CSNK1G3: variants seen among roughly 807,000 people sequenced by gnomAD.
The protein encoded by CSNK1G3 is casein kinase 1 gamma 3.
A neutral mutation model predicts 64.3 loss-of-function variants in CSNK1G3; 23 were observed. That is an observed-to-expected ratio of 0.36 (90% CI 0.26 to 0.51). The LOEUF is 0.51. Among genes scored for constraint, CSNK1G3 ranks in the 20% least tolerant of loss-of-function variants. The pLI is 0.96. For missense variants in CSNK1G3, 357 were observed against 510.5 expected (o/e 0.70, Z 2.90); for synonymous variants, 158 against 162.2 (o/e 0.97, Z 0.20).
chr5:123,554,443 C>A (rs1784248368), intron 3 of CSNK1G3, among the ~76,000 whole-genome samples: 1 of 152,020 alleles, frequency 6.6e-6, no homozygotes, highest in Admixed American at 6.6e-5. Context: ...CTAGAAAGCC[C>A]AAGTTTCTTT....
intron 6 of CSNK1G3, among the ~76,000 whole-genome samples, chr5:123,577,678 AAT>A (rs781431815): frequency 1.5e-3 from 229 of 152,002 alleles, no homozygotes; most frequent in Middle Eastern, 3.2e-3. Flanking sequence ...TAGCAAGTCT[AAT>A]AGAATTATAA....
intron 2 of CSNK1G3, among the ~76,000 whole-genome samples, chr5:123,551,450 G>A (rs1407241865): frequency 6.6e-6 from 1 of 152,142 alleles, no homozygotes; most frequent in Non-Finnish European, 1.5e-5. Context: ...AACTTCTGTT[G>A]AGTTCCATCC....
chr5:123,530,528 C>T (rs1414728775), intron 1 of CSNK1G3, among the ~76,000 whole-genome samples: 1 of 152,104 alleles, frequency 6.6e-6, no homozygotes, highest in Admixed American at 6.5e-5. Context: ...ATCCTTATTA[C>T]ATATGTACTT....
At position 123,593,202 on chromosome 5, in the gene CSNK1G3, T is replaced by C. The variant is rs377321070; in HGVS notation, c.1086+1788T>C. Reference sequence around the variant, plus strand: ...TGTAGGGTGGGTGTGTGTGTATATATACACACACACACACACACACACACA... The same window carrying C: ...TGTAGGGTGGGTGTGTGTGTATATACACACACACACACACACACACACACA... On this transcript the variant is annotated intron_variant, in intron 10 of 12. Transcript: ENST00000345990. Among the ~76,000 whole-genome samples the C allele has an allele frequency of 7.7e-3, 1,138 of 146,928 alleles. 3 individuals carry two copies. Among genetic ancestry groups the C allele is most frequent in the South Asian group, 0.015 (71 of 4,652 alleles).
intron 4 of CSNK1G3, among the ~76,000 whole-genome samples, chr5:123,562,713 A>G (rs77931473): frequency 6.6e-6 from 1 of 151,784 alleles, no homozygotes; most frequent in African/African-American, 2.4e-5. Flanking sequence ...TTATTTTCTC[A>G]TTTTGGACAA....
At chr5:123,538,568 C>T (rs1438618719) in intron 1 of CSNK1G3, among the ~76,000 whole-genome samples, 1 of 152,054 alleles carries the variant, frequency 6.6e-6, no homozygotes, top group African/African-American at 2.4e-5. Flanking sequence ...ATATCACACA[C>T]TGGGGCCTGT....
intron 10 of CSNK1G3, among the ~76,000 whole-genome samples, chr5:123,594,683 C>A (rs1460725636): frequency 1.3e-5 from 2 of 152,114 alleles, no homozygotes; most frequent in African/African-American, 4.8e-5. Context: ...GGGTGGACTT[C>A]TAGTGTGCCC....
intron 2 of CSNK1G3, among the ~76,000 whole-genome samples, chr5:123,548,749 A>G (rs1581057172): frequency 6.6e-6 from 1 of 152,174 alleles, no homozygotes; most frequent in East Asian, 1.9e-4. Context: ...GTAAAAAAAA[A>G]AAAATGATAA....
At chr5:123,608,667 C>A (rs1009315995) in intron 12 of CSNK1G3, among the ~76,000 whole-genome samples, 24 of 152,178 alleles carry the variant, frequency 1.6e-4, no homozygotes, top group African/African-American at 5.5e-4. Context: ...ATACTAACAA[C>A]TTTTATACAA....
At chr5:123,555,540 G>C (rs956625393) in intron 3 of CSNK1G3, among the ~76,000 whole-genome samples, 24 of 152,104 alleles carry the variant, frequency 1.6e-4, no homozygotes, top group Admixed American at 2.0e-4. Context: ...TTCTGTGACT[G>C]CTTTCACTCC....
chr5:123,600,305 A>G (rs944959142), intron 10 of CSNK1G3, among the ~76,000 whole-genome samples: 4 of 152,142 alleles, frequency 2.6e-5, no homozygotes, highest in Non-Finnish European at 5.9e-5. Flanking sequence ...CTACTTAGTA[A>G]TCTTGCTTAC....
At chr5:123,587,989 T>C (rs1561581248) in intron 6 of CSNK1G3, 79 bp from the exon 7 acceptor site, 1 of 887,926 alleles carries the variant, frequency 1.1e-6, no homozygotes, top group East Asian at 2.6e-5. Flanking sequence ...AATTTATACA[T>C]AATGAAAGAA....
intron 1 of CSNK1G3, among the ~76,000 whole-genome samples, chr5:123,513,031 C>T (rs2149847430): frequency 1.3e-5 from 2 of 151,880 alleles, no homozygotes; most frequent in South Asian, 4.2e-4. Context: ...CATGGATAGG[C>T]TGGGAGGAGG....
At chr5:123,547,748 T>A (rs1782823570) in intron 2 of CSNK1G3, among the ~76,000 whole-genome samples, 1 of 152,088 alleles carries the variant, frequency 6.6e-6, no homozygotes, top group African/African-American at 2.4e-5. Flanking sequence ...TCTCTATATA[T>A]CTGTGTTTTA....
intron 4 of CSNK1G3, among the ~76,000 whole-genome samples, chr5:123,570,461 C>G (rs1309902758): frequency 6.7e-6 from 1 of 149,502 alleles, no homozygotes; most frequent in Non-Finnish European, 1.5e-5. Flanking sequence ...TCAAGCAGTT[C>G]TCCTGCCTCA....
At chr5:123,529,065 C>T (rs1053363960) in intron 1 of CSNK1G3, among the ~76,000 whole-genome samples, 3 of 152,162 alleles carry the variant, frequency 2.0e-5, no homozygotes, top group Non-Finnish European at 4.4e-5. Flanking sequence ...GGCTGATGTG[C>T]TGCTGCCTAG....
At chr5:123,599,758 A>G (rs992547716) in intron 10 of CSNK1G3, among the ~76,000 whole-genome samples, 3 of 152,018 alleles carry the variant, frequency 2.0e-5, no homozygotes, top group Non-Finnish European at 4.4e-5. Flanking sequence ...TTGTGGAGGG[A>G]GTATGGTTAT....
At chr5:123,560,361 A>C (rs1785443259) in intron 4 of CSNK1G3, among the ~76,000 whole-genome samples, 1 of 152,216 alleles carries the variant, frequency 6.6e-6, no homozygotes, top group South Asian at 2.1e-4. Flanking sequence ...TAGCAATTCC[A>C]CTTCTGGATA....
intron 6 of CSNK1G3, among the ~76,000 whole-genome samples, chr5:123,583,765 A>G (rs1790798162): frequency 6.6e-6 from 1 of 151,798 alleles, no homozygotes; most frequent in Admixed American, 6.6e-5. Flanking sequence ...CTGCATTGTC[A>G]TCCTCCTAGG....
Sources: gnomAD v4.1 joint callset for allele counts (sites outside exome capture counted in the v4.1 genomes callset) on GRCh38, gnomAD v4.1.1 for gene constraint, MANE v1.5 for transcripts, NCBI Gene and HGNC (gene_info 2026-07-23, HGNC 2026-07-21) for gene names.